The following NXPH1 variants were observed in gnomAD, a reference collection of about 807,000 sequenced individuals.
NXPH1 encodes neurexophilin 1, also known as neurexophilin-1.
In NXPH1, 5 loss-of-function variants were observed where a neutral mutation model predicts 23.7. The ratio of observed to expected loss-of-function variants is 0.21; its 90% confidence interval spans 0.11 to 0.44. The LOEUF (loss-of-function observed/expected upper bound fraction) is 0.44. NXPH1 is among the 20% of genes least tolerant of loss of function. The probability of loss-of-function intolerance (pLI) is 0.99; values close to 1 mark genes in which losing one functional copy is unlikely to be tolerated. For missense variants in NXPH1, 324 were observed against 321.6 expected (o/e 1.01, Z -0.06); for synonymous variants, 144 against 122.2 (o/e 1.18, Z -1.18).
chr7:8,492,219 C>T (rs1332670513), intron 2 of NXPH1, among the ~76,000 whole-genome samples: 1 of 151,996 alleles, frequency 6.6e-6, no homozygotes, highest in Admixed American at 6.6e-5. Flanking sequence ...GTCATTCTTT[C>T]CAGAAGCATA....
At chr7:8,718,635 A>G (rs139831592) in intron 2 of NXPH1, among the ~76,000 whole-genome samples, 321 of 152,326 alleles carry the variant, frequency 2.1e-3, no homozygotes, top group African/African-American at 7.2e-3. Context: ...GATATTTTAT[A>G]TAGTTATATT....
intron 2 of NXPH1, among the ~76,000 whole-genome samples, chr7:8,597,759 C>T (rs1265280764): frequency 6.6e-6 from 1 of 151,636 alleles, no homozygotes; most frequent in East Asian, 2.0e-4. Context: ...TTCTACTTGG[C>T]AACATGCCTT....
intron 2 of NXPH1, among the ~76,000 whole-genome samples, chr7:8,734,563 G>T (rs898865618): frequency 2.0e-5 from 3 of 152,080 alleles, no homozygotes; most frequent in Non-Finnish European, 4.4e-5. Flanking sequence ...GCAGTGATTT[G>T]TTATGATTTC....
At chr7:8,709,939 G>C (rs1779761472) in intron 2 of NXPH1, among the ~76,000 whole-genome samples, 1 of 152,132 alleles carries the variant, frequency 6.6e-6, no homozygotes, top group Non-Finnish European at 1.5e-5. Context: ...AATAGTGGCT[G>C]AATAATTTTA....
intron 2 of NXPH1, among the ~76,000 whole-genome samples, chr7:8,628,385 TA>T (rs1348022681): frequency 2.0e-5 from 3 of 147,936 alleles, no homozygotes; most frequent in African/African-American, 5.0e-5. Flanking sequence ...TTTTTTTTTT[TA>T]GATAATGTAT....
chr7:8,472,094 C>A (rs1268620235), intron 2 of NXPH1, among the ~76,000 whole-genome samples: 1 of 151,786 alleles, frequency 6.6e-6, no homozygotes, highest in East Asian at 1.9e-4. Flanking sequence ...TATTTTATTT[C>A]CATAGGTGAT....
At chr7:8,636,501 T>C (rs757568110) in intron 2 of NXPH1, among the ~76,000 whole-genome samples, 11 of 152,206 alleles carry the variant, frequency 7.2e-5, no homozygotes, top group African/African-American at 2.4e-4. Context: ...TTTAAAACTT[T>C]CTGTGAGAAC....
chr7:8,585,402 C>T (rs1332548741), intron 2 of NXPH1, among the ~76,000 whole-genome samples: 1 of 150,250 alleles, frequency 6.7e-6, no homozygotes, highest in Non-Finnish European at 1.5e-5. Context: ...TGAACTCTGG[C>T]TTTACTATAA....
At chr7:8,461,307 C>T (rs1185291042) in intron 2 of NXPH1, among the ~76,000 whole-genome samples, 4 of 152,046 alleles carry the variant, frequency 2.6e-5, no homozygotes, top group Admixed American at 2.6e-4. Flanking sequence ...TTTTTCCTTT[C>T]TCTCTTCTTT....
intron 2 of NXPH1, among the ~76,000 whole-genome samples, chr7:8,742,030 A>G (rs1365859837): frequency 6.6e-6 from 1 of 152,152 alleles, no homozygotes; most frequent in Non-Finnish European, 1.5e-5. Context: ...TCTCTAAACT[A>G]GTTAAGAAAG....
chr7:8,582,239 G>A (rs1023490601), intron 2 of NXPH1, among the ~76,000 whole-genome samples: 1 of 152,216 alleles, frequency 6.6e-6, no homozygotes, highest in Non-Finnish European at 1.5e-5. Context: ...CATAGCCCTG[G>A]CTCTGAGAGC....
At chr7:8,553,588 T>C (rs571992823) in intron 2 of NXPH1, among the ~76,000 whole-genome samples, 2 of 151,746 alleles carry the variant, frequency 1.3e-5, no homozygotes, top group African/African-American at 4.8e-5. Flanking sequence ...ATGGAGGGAC[T>C]GTCCAGCAAA....
At chr7:8,440,241 T>G (rs938565170) in intron 2 of NXPH1, among the ~76,000 whole-genome samples, 1 of 152,236 alleles carries the variant, frequency 6.6e-6, no homozygotes, top group African/African-American at 2.4e-5. Context: ...TGTTCAACTT[T>G]CCATTGACCA....
intron 2 of NXPH1, among the ~76,000 whole-genome samples, chr7:8,482,560 C>T (rs10244689): frequency 1.3e-5 from 2 of 151,958 alleles, no homozygotes; most frequent in Admixed American, 1.3e-4. Flanking sequence ...CTTTTTCTCT[C>T]TCTGGACTGT....
chr7:8,538,454 T>C (rs1818063007), intron 2 of NXPH1, among the ~76,000 whole-genome samples: 1 of 151,980 alleles, frequency 6.6e-6, no homozygotes, highest in South Asian at 2.1e-4. Context: ...TCTGGGACAC[T>C]GGGTAAGTTA....
At chr7:8,747,492 C>A (rs1562473642) in intron 2 of NXPH1, among the ~76,000 whole-genome samples, 1 of 152,182 alleles carries the variant, frequency 6.6e-6, no homozygotes, top group Non-Finnish European at 1.5e-5. Flanking sequence ...GTTACTGCTT[C>A]ATTAGCCAGT....
At chr7:8,463,732 T>C (rs10251671) in intron 2 of NXPH1, among the ~76,000 whole-genome samples, 2,974 of 152,314 alleles carry the variant, frequency 0.02, 105 homozygotes, top group African/African-American at 0.068. Flanking sequence ...CTTTGTTCTA[T>C]GGACTGTTCA....
rs536364294 is a variant in NXPH1 at position 8,461,202 on chromosome 7, A to C, written c.54+25435A>C. On this transcript the variant is annotated intron_variant, in intron 2 of 2. Coordinates refer to ENST00000405863, the MANE Select transcript of NXPH1 (RefSeq NM_152745.3). ...CCTTGCATTCAGTCTCTAATTGTTC[A>C]GTTTTCAATTCTCCATCCTCCCTCT... Among the ~76,000 whole-genome samples the C allele has an allele frequency of 2.0e-5, 3 of 152,314 alleles. No individual in the cohort carries two copies. In the East Asian group the frequency reaches 5.8e-4, roughly 29 times the overall value.
chr7:8,527,224 G>A (rs766031353), intron 2 of NXPH1, among the ~76,000 whole-genome samples: 32 of 152,164 alleles, frequency 2.1e-4, no homozygotes, highest in African/African-American at 7.0e-4. Context: ...TCTGGTTCAC[G>A]CTATTGTTGC....
Sources: gnomAD v4.1 joint callset for allele counts (sites outside exome capture counted in the v4.1 genomes callset) on GRCh38, gnomAD v4.1.1 for gene constraint, MANE v1.5 for transcripts, NCBI Gene and HGNC (gene_info 2026-07-23, HGNC 2026-07-21) for gene names.